CTSS: variants seen among roughly 807,000 people sequenced by gnomAD.
CTSS encodes cathepsin S.
Under a neutral mutation model 39.9 loss-of-function variants are expected in CTSS, and 15 were observed. The ratio of observed to expected loss-of-function variants is 0.38; its 90% confidence interval spans 0.25 to 0.58. The LOEUF is 0.58. CTSS is among the 20% of genes least tolerant of loss of function. The probability of loss-of-function intolerance (pLI) is 0.70; values close to 1 mark genes in which losing one functional copy is unlikely to be tolerated. For synonymous variants in CTSS, 126 were observed against 138.2 expected (o/e 0.91, Z 0.62); for missense variants, 250 against 398.2 (o/e 0.63, Z 3.17).
At chr1:150,749,105 C>T (rs1440060780) in intron 6 of CTSS, among the ~76,000 whole-genome samples, 1 of 152,130 alleles carries the variant, frequency 6.6e-6, no homozygotes, top group Non-Finnish European at 1.5e-5. Flanking sequence ...AATTATGCCA[C>T]ATGATAACCC....
chr1:150,761,479 C>T (rs1056807100), intron 2 of CTSS, among the ~76,000 whole-genome samples: 2 of 152,132 alleles, frequency 1.3e-5, no homozygotes, highest in Admixed American at 1.3e-4. Context: ...CACCTGTAAT[C>T]CCAGCACTAT....
chr1:150,751,383 G>T (rs1159018695), intron 5 of CTSS, among the ~76,000 whole-genome samples: 1 of 151,896 alleles, frequency 6.6e-6, no homozygotes, highest in Non-Finnish European at 1.5e-5. Context: ...GAGTAGCTGG[G>T]ACCACAGGCA....
rs201867124 is a variant in CTSS at position 150,763,515 on chromosome 1, C to G, written c.126+1123G>C. On this transcript the variant is annotated intron_variant, in intron 2 of 7. Coordinates refer to ENST00000368985, the MANE Select transcript of CTSS (RefSeq NM_004079.5). ...GGTTAATTAGCCTAATTTAATCATT[C>G]TGCAATGTATATTTGTATCATAACA... 4.6e-5 allele frequency among the ~76,000 whole-genome samples: 7 copies of G among 152,118 alleles called. No homozygotes were observed. The East Asian group carries it at 1.4e-3, about 29-fold the overall frequency.
intron 2 of CTSS, among the ~76,000 whole-genome samples, chr1:150,762,167 A>G (rs1653280034): frequency 6.6e-6 from 1 of 152,208 alleles, no homozygotes; most frequent in Non-Finnish European, 1.5e-5. Context: ...CCAAGAACAC[A>G]CAATGGGGAA....
At chr1:150,752,106 T>TC in intron 4 of CTSS, 98 bp from the exon 5 acceptor site, 1 of 1,201,738 alleles carries the variant, frequency 8.3e-7, no homozygotes, top group Non-Finnish European at 1.2e-6. Flanking sequence ...ATCAGTTCTG[T>TC]CCCTAGTTCC....
At chr1:150,738,490 A>ATTTT (rs200199076) in intron 7 of CTSS, among the ~76,000 whole-genome samples, 3 of 138,898 alleles carry the variant, frequency 2.2e-5, no homozygotes, top group Non-Finnish European at 3.1e-5. Flanking sequence ...GTGATCAGTG[A>ATTTT]TTTTTTTTTT....
intron 7 of CTSS, among the ~76,000 whole-genome samples, chr1:150,734,317 A>G (rs1397632392): frequency 1.3e-5 from 2 of 151,156 alleles, no homozygotes; most frequent in Non-Finnish European, 2.9e-5. Context: ...GTGAGCCACC[A>G]CGCCCGGCTG....
intron 2 of CTSS, among the ~76,000 whole-genome samples, chr1:150,763,661 A>G (rs1653308288): frequency 6.6e-6 from 1 of 152,228 alleles, no homozygotes. Context: ...AAATAAATAA[A>G]TATATGATGC....
intron 7 of CTSS, among the ~76,000 whole-genome samples, chr1:150,735,944 G>C (rs1266953166): frequency 6.6e-6 from 1 of 151,844 alleles, no homozygotes; most frequent in African/African-American, 2.4e-5. Context: ...TTTTTTAGTA[G>C]AGATGGGGTT....
intron 5 of CTSS, among the ~76,000 whole-genome samples, chr1:150,750,681 G>A (rs1348607140): frequency 1.3e-5 from 2 of 151,978 alleles, no homozygotes; most frequent in Non-Finnish European, 2.9e-5. Context: ...CCATTGTCCA[G>A]GCTGGAGTGC....
intron 6 of CTSS, 45 bp downstream of exon 6, chr1:150,749,961 T>C: frequency 6.6e-7 from 1 of 1,514,428 alleles, no homozygotes; most frequent in Non-Finnish European, 8.9e-7. Flanking sequence ...CAATATCCTT[T>C]CTTTCTTTCT....
chr1:150,755,316 T>G (rs1444915189), intron 3 of CTSS, among the ~76,000 whole-genome samples, 166 bp from the exon 4 acceptor site: 2 of 152,186 alleles, frequency 1.3e-5, no homozygotes, highest in Non-Finnish European at 2.9e-5. Flanking sequence ...GGCCCATTGC[T>G]CCTAAACTAC....
chr1:150,746,794 A>G (rs1652904452), intron 7 of CTSS, among the ~76,000 whole-genome samples: 1 of 152,232 alleles, frequency 6.6e-6, no homozygotes, highest in South Asian at 2.1e-4. Context: ...CAGTATAACC[A>G]GAGTGAAAAT....
chr1:150,733,699 C>T (rs1439918351), intron 7 of CTSS, among the ~76,000 whole-genome samples: 1 of 151,718 alleles, frequency 6.6e-6, no homozygotes, highest in Non-Finnish European at 1.5e-5. Context: ...CATGGTGGCT[C>T]ACACTTGTAA....
chr1:150,744,911 C>T (rs1000420635), intron 7 of CTSS, among the ~76,000 whole-genome samples: 3 of 151,750 alleles, frequency 2.0e-5, no homozygotes, highest in African/African-American at 7.3e-5. Context: ...TCTTCAAGAG[C>T]AACTTCAGTA....
rs1000841135 is a variant in CTSS at position 150,744,576 on chromosome 1, T to C, written c.896+3201A>G. On this transcript the variant is annotated intron_variant, in intron 7 of 7. Transcript: ENST00000368985. ...ATATATGTATATTATGTATACATAA[T>C]ATATTATATATTATATATGTATATT... is the stretch of plus-strand genomic sequence containing the variant. Among the ~76,000 whole-genome samples the C allele has an allele frequency of 2.8e-5, 3 of 106,964 alleles. No individual in the cohort carries two copies. The Admixed American group carries it at 3.3e-4, about 12-fold the overall frequency. The allele number at this position is 106,964 out of a possible 152,430, so 70.2% of individuals were successfully genotyped here. A position where few individuals can be genotyped will look rare whatever the true frequency, so the allele number is the denominator to read the frequency against.
chr1:150,732,859 C>G lies in CTSS; in HGVS notation c.*187G>C. 2.4e-6 allele frequency: 1 copy of G among 415,122 alleles called. No homozygotes were observed. The highest frequency in any genetic ancestry group is 4.3e-6 in the Non-Finnish European group (1 of 231,838). The allele number at this position is 415,122 out of a possible 1,614,324, so 25.7% of individuals were successfully genotyped here. On this transcript the variant is annotated 3_prime_UTR_variant, in exon 8 of 8. Coordinates refer to ENST00000368985, the MANE Select transcript of CTSS (RefSeq NM_004079.5). Reference sequence around the variant, plus strand: ...CCTGGCCTCAAGTTGATATGCCTGCCTTGGCCTCCCAAGTACTGGGATTAC... The same window carrying G: ...CCTGGCCTCAAGTTGATATGCCTGCGTTGGCCTCCCAAGTACTGGGATTAC...
At chr1:150,747,212 C>T (rs1424892801) in intron 7 of CTSS, among the ~76,000 whole-genome samples, 1 of 152,098 alleles carries the variant, frequency 6.6e-6, no homozygotes, top group Non-Finnish European at 1.5e-5. Context: ...TTGTGTGGCC[C>T]TTTACTGATA....
intron 6 of CTSS, among the ~76,000 whole-genome samples, chr1:150,749,660 G>C (rs1413267577): frequency 3.4e-5 from 5 of 146,892 alleles, no homozygotes; most frequent in Admixed American, 1.4e-4. Flanking sequence ...TTTCTTCCTT[G>C]TTTTTTAGAG....
Sources: allele counts gnomAD v4.1 joint callset (sites outside exome capture counted in the v4.1 genomes callset), GRCh38; gene constraint gnomAD v4.1.1; transcripts MANE v1.5; gene names NCBI Gene and HGNC (gene_info 2026-07-23, HGNC 2026-07-21).